Variants in FECH observed in about 807,000 individuals in gnomAD.
FECH encodes the protein ferrochelatase, mitochondrial.
FECH carries 40 observed loss-of-function variants against 56.9 expected under a neutral mutation model. The observed-to-expected ratio is 0.70, with a 90% CI of 0.55 to 0.92. The LOEUF is 0.92. Ranked by LOEUF, FECH falls within the 40% of genes least tolerant of loss-of-function variation. The pLI is 0.00. For missense variants in FECH, 431 were observed against 529.1 expected (o/e 0.81, Z 1.82); for synonymous variants, 175 against 198.6 (o/e 0.88, Z 1.00).
intron 4 of FECH, among the ~76,000 whole-genome samples, chr18:57,568,917 C>T (rs73436931): frequency 0.012 from 1,895 of 152,268 alleles, 43 homozygotes; most frequent in African/African-American, 0.043. Context: ...GTTAATGCCT[C>T]TCAGGATTAT....
At chr18:57,573,196 A>G in intron 3 of FECH, 50 bp downstream of exon 3, 1 of 1,572,682 alleles carries the variant, frequency 6.4e-7, no homozygotes, top group South Asian at 1.1e-5. Context: ...TGAGAGACAC[A>G]TGTCAATGTA....
intron 9 of FECH, among the ~76,000 whole-genome samples, chr18:57,552,392 T>TTTTA (rs1232624214): frequency 1.4e-4 from 21 of 151,708 alleles, no homozygotes; most frequent in East Asian, 1.2e-3. Flanking sequence ...ATTTATTTTA[T>TTTTA]TTTATTTATT....
chr18:57,570,037 G>A (rs1487904472), intron 4 of FECH, among the ~76,000 whole-genome samples: 1 of 78,680 alleles, frequency 1.3e-5, no homozygotes, highest in African/African-American at 7.1e-5. Flanking sequence ...GTTGTCGTGT[G>A]TGTGTGTGTG....
chr18:57,552,034 C>T (rs2050807302), intron 9 of FECH, among the ~76,000 whole-genome samples: 1 of 151,932 alleles, frequency 6.6e-6, no homozygotes, highest in African/African-American at 2.4e-5. Flanking sequence ...CAGGCATGCA[C>T]CACCATGCCC....
At chr18:57,564,124 C>T (rs1386802451) in intron 5 of FECH, among the ~76,000 whole-genome samples, 2 of 152,070 alleles carry the variant, frequency 1.3e-5, no homozygotes, top group Non-Finnish European at 2.9e-5. Flanking sequence ...GTGATCTGCC[C>T]GCCTGGGCCT....
At chr18:57,564,170 G>C (rs926480528) in intron 5 of FECH, among the ~76,000 whole-genome samples, 1 of 152,154 alleles carries the variant, frequency 6.6e-6, no homozygotes, top group Non-Finnish European at 1.5e-5. Context: ...GAGCCACCGC[G>C]CCCAGCATAA....
intron 6 of FECH, among the ~76,000 whole-genome samples, chr18:57,559,752 C>G (rs999781434): frequency 1.3e-5 from 2 of 152,194 alleles, no homozygotes; most frequent in Non-Finnish European, 2.9e-5. Context: ...CTCATATCCC[C>G]ATCAAGTCAA....
chr18:57,578,151 G>A (rs1186058387), intron 2 of FECH, among the ~76,000 whole-genome samples: 1 of 152,146 alleles, frequency 6.6e-6, no homozygotes, highest in Non-Finnish European at 1.5e-5. Context: ...AACTGAATCA[G>A]TTCTTCAGTT....
chr18:57,553,452 C>T (rs193043087), intron 9 of FECH, among the ~76,000 whole-genome samples: 1 of 152,154 alleles, frequency 6.6e-6, no homozygotes, highest in Non-Finnish European at 1.5e-5. Flanking sequence ...CAGGATGGTC[C>T]TCCATCTATC....
chr18:57,579,279 G>A (rs1162228386), intron 2 of FECH, among the ~76,000 whole-genome samples: 2 of 112,574 alleles, frequency 1.8e-5, no homozygotes, highest in Admixed American at 8.4e-5. Flanking sequence ...ATATATGTGT[G>A]TGTGTATATA....
At chr18:57,576,278 C>A (rs1473985312) in intron 2 of FECH, among the ~76,000 whole-genome samples, 1 of 152,234 alleles carries the variant, frequency 6.6e-6, no homozygotes, top group Non-Finnish European at 1.5e-5. Flanking sequence ...AACAACCAAG[C>A]AACTGCACTG....
At chr18:57,566,302 G>A (rs2051015307) in intron 5 of FECH, 145 bp downstream of exon 5, 1 of 1,095,874 alleles carries the variant, frequency 9.1e-7, no homozygotes, top group African/African-American at 1.5e-5. Flanking sequence ...CAAATGGACT[G>A]ACCTGAACTC....
intron 4 of FECH, among the ~76,000 whole-genome samples, chr18:57,570,245 T>C (rs535587077): frequency 7.2e-5 from 11 of 152,264 alleles, no homozygotes; most frequent in Admixed American, 7.2e-4. Flanking sequence ...GTTTGTTCTC[T>C]AGTAAGTAGG....
chr18:57,583,581 C>G (rs904334867), intron 1 of FECH, among the ~76,000 whole-genome samples: 1 of 152,200 alleles, frequency 6.6e-6, no homozygotes, highest in Non-Finnish European at 1.5e-5. Context: ...GAAGAATATC[C>G]AATAGTATAG....
chr18:57,554,248 G>T lies in FECH; in HGVS notation c.1077+12C>A. 1 of 1,614,128 alleles carries T rather than the reference G, an allele frequency of 6.2e-7. No homozygotes were observed. Among genetic ancestry groups the T allele is most frequent in the South Asian group, 1.1e-5 (1 of 91,066 alleles). On this transcript the variant is annotated intron_variant, in intron 9 of 10. Coordinates refer to ENST00000262093, the MANE Select transcript of FECH (RefSeq NM_000140.5). ...AAGTCATGATGGGAAAAAGGCAGAT[G>T]GGTGCATTTACCTCCTTGGCTAAAA...
chr18:57,566,952 G>A (rs1289926752), intron 4 of FECH, among the ~76,000 whole-genome samples: 2 of 151,922 alleles, frequency 1.3e-5, no homozygotes, highest in African/African-American at 4.8e-5. Flanking sequence ...TACTATGGTA[G>A]CCACTGGGCA....
At chr18:57,559,031 C>T (rs188891126) in intron 7 of FECH, 114 bp downstream of exon 7, 100 of 756,890 alleles carry the variant, frequency 1.3e-4, no homozygotes, top group African/African-American at 1.2e-3. Context: ...TTTGAGAATT[C>T]ATTCTTGCAC....
intron 4 of FECH, among the ~76,000 whole-genome samples, chr18:57,570,546 G>C (rs372463957): frequency 6.6e-5 from 10 of 152,112 alleles, no homozygotes; most frequent in African/African-American, 2.4e-4. Context: ...TCTCCCTGAG[G>C]GTTCCCAGTG....
Position 57,547,888 on chromosome 18 carries a change from G to A in FECH, c.*2824C>T, listed in dbSNP as rs963032151. 2.0e-5 allele frequency among the ~76,000 whole-genome samples: 3 copies of A among 151,968 alleles called. No homozygotes were observed. Among genetic ancestry groups the A allele is most frequent in the Non-Finnish European group, 2.9e-5 (2 of 67,980 alleles). On this transcript the variant is annotated 3_prime_UTR_variant, in exon 11 of 11. Coordinates refer to ENST00000262093, the MANE Select transcript of FECH (RefSeq NM_000140.5). Reference sequence around the variant, plus strand: ...TGGGATCAAGCAATCCTCCAACCTTGGCCTTCCAAAGTATTGGAATTACAC... The same window carrying A: ...TGGGATCAAGCAATCCTCCAACCTTAGCCTTCCAAAGTATTGGAATTACAC...
Sources: gnomAD v4.1 joint callset for allele counts (sites outside exome capture counted in the v4.1 genomes callset) on GRCh38, gnomAD v4.1.1 for gene constraint, MANE v1.5 for transcripts, NCBI Gene and HGNC (gene_info 2026-07-23, HGNC 2026-07-21) for gene names.